The following PDE4B variants were observed in gnomAD, a reference collection of about 807,000 sequenced individuals.
PDE4B encodes the protein 3',5'-cyclic-AMP phosphodiesterase 4B.
Under a neutral mutation model 82.2 loss-of-function variants are expected in PDE4B, and 20 were observed. That is an observed-to-expected ratio of 0.24 (90% CI 0.17 to 0.35). The LOEUF (loss-of-function observed/expected upper bound fraction) is 0.35. PDE4B is among the 10% of genes least tolerant of loss of function. The pLI is 1.00. For synonymous variants in PDE4B, 320 were observed against 318.9 expected (o/e 1.00, Z -0.04); for missense variants, 655 against 907.2 (o/e 0.72, Z 3.57).
chr1:65,936,493 G>T (rs1205223744), intron 3 of PDE4B, among the ~76,000 whole-genome samples: 1 of 152,136 alleles, frequency 6.6e-6, no homozygotes, highest in East Asian at 1.9e-4. Context: ...TGCTATACAT[G>T]ACTGTATTGG....
intron 3 of PDE4B, among the ~76,000 whole-genome samples, chr1:66,072,524 G>A (rs1656205412): frequency 6.6e-6 from 1 of 152,090 alleles, no homozygotes. Context: ...GCAGCTAGGT[G>A]GCCCTCCAGA....
intron 3 of PDE4B, among the ~76,000 whole-genome samples, chr1:66,009,973 G>A (rs1354285719): frequency 6.8e-6 from 1 of 147,494 alleles, no homozygotes; most frequent in Admixed American, 6.8e-5. Context: ...TCTAATCTTT[G>A]GTATTGTCTG....
chr1:66,084,590 A>G (rs1406679981), intron 3 of PDE4B, among the ~76,000 whole-genome samples: 1 of 152,126 alleles, frequency 6.6e-6, no homozygotes, highest in Non-Finnish European at 1.5e-5. Context: ...ACCCCAAGAA[A>G]CTCATCCAGT....
chr1:65,821,516 C>T (rs1453697922), intron 1 of PDE4B, among the ~76,000 whole-genome samples: 1 of 152,116 alleles, frequency 6.6e-6, no homozygotes, highest in Non-Finnish European at 1.5e-5. Flanking sequence ...GGTCTTCCTA[C>T]ATATAGAAGT....
intron 3 of PDE4B, among the ~76,000 whole-genome samples, chr1:66,143,811 C>CTT (rs1166243821): frequency 6.6e-6 from 1 of 152,166 alleles, no homozygotes; most frequent in Non-Finnish European, 1.5e-5. Flanking sequence ...TTGCCCTGCA[C>CTT]CCTTCTTTCT....
At chr1:66,285,953 A>G (rs1656646740) in intron 7 of PDE4B, among the ~76,000 whole-genome samples, 1 of 152,204 alleles carries the variant, frequency 6.6e-6, no homozygotes, top group African/African-American at 2.4e-5. Context: ...TATGAACAAG[A>G]GAAGACAAAG....
intron 3 of PDE4B, among the ~76,000 whole-genome samples, chr1:66,021,456 C>T (rs1243610195): frequency 3.3e-5 from 5 of 152,132 alleles, no homozygotes; most frequent in Admixed American, 1.3e-4. Context: ...TTAGGTCTAA[C>T]ATTCAAGTCT....
intron 3 of PDE4B, among the ~76,000 whole-genome samples, chr1:65,930,867 A>C (rs1647792902): frequency 6.6e-6 from 1 of 152,104 alleles, no homozygotes; most frequent in African/African-American, 2.4e-5. Context: ...GGAAGGCATG[A>C]TTGTATTTTG....
chr1:65,817,731 T>G (rs1343106653), intron 1 of PDE4B, among the ~76,000 whole-genome samples: 2 of 152,208 alleles, frequency 1.3e-5, no homozygotes, highest in African/African-American at 4.8e-5. Flanking sequence ...ATTTATCCAT[T>G]TTGTTTGCAT....
intron 1 of PDE4B, among the ~76,000 whole-genome samples, chr1:65,793,953 A>G (rs1029746252): frequency 1.3e-5 from 2 of 152,130 alleles, no homozygotes; most frequent in African/African-American, 4.8e-5. Context: ...CGGTACTTCA[A>G]ACACAAATCG....
chr1:66,043,708 A>T (rs1654522754), intron 3 of PDE4B, among the ~76,000 whole-genome samples: 1 of 151,788 alleles, frequency 6.6e-6, no homozygotes, highest in Admixed American at 6.6e-5. Flanking sequence ...ATCCAGTTTA[A>T]TCTCCTTTTT....
intron 7 of PDE4B, among the ~76,000 whole-genome samples, chr1:66,274,392 C>T (rs1333627588): frequency 2.0e-5 from 3 of 151,534 alleles, no homozygotes; most frequent in Non-Finnish European, 4.4e-5. Context: ...AGGCTGGTCT[C>T]GAACTCCTGA....
chr1:65,843,670 G>A (rs530578033), intron 1 of PDE4B, among the ~76,000 whole-genome samples: 3 of 152,178 alleles, frequency 2.0e-5, no homozygotes, highest in African/African-American at 7.2e-5. Flanking sequence ...TTGAAAGACA[G>A]GATTTGTTTT....
chr1:65,955,537 C>T (rs902957865), intron 3 of PDE4B, among the ~76,000 whole-genome samples: 1 of 152,172 alleles, frequency 6.6e-6, no homozygotes, highest in Non-Finnish European at 1.5e-5. Context: ...AAGTGAAAAA[C>T]TGAAGCAAGT....
At chr1:66,025,072 TA>T (rs1237515559) in intron 3 of PDE4B, among the ~76,000 whole-genome samples, 1 of 152,084 alleles carries the variant, frequency 6.6e-6, no homozygotes, top group African/African-American at 2.4e-5. Context: ...ATTATTTAAA[TA>T]TACTGCCTTT....
chr1:65,976,759 A>G (rs905900976), intron 3 of PDE4B, among the ~76,000 whole-genome samples: 1 of 152,168 alleles, frequency 6.6e-6, no homozygotes, highest in African/African-American at 2.4e-5. Flanking sequence ...CACTTGTGGT[A>G]AGACGTGCTT....
At chr1:66,322,932 T>C (rs530574971) in intron 7 of PDE4B, among the ~76,000 whole-genome samples, 1 of 152,262 alleles carries the variant, frequency 6.6e-6, no homozygotes, top group South Asian at 2.1e-4. Context: ...GTAACTCAAA[T>C]GGCAAAGCCA....
At chr1:66,180,950 C>A (rs1187801229) in intron 3 of PDE4B, among the ~76,000 whole-genome samples, 1 of 152,130 alleles carries the variant, frequency 6.6e-6, no homozygotes, top group Non-Finnish European at 1.5e-5. Flanking sequence ...TAGAGTGTCT[C>A]TGAGGTGTTT....
At chr1:65,879,516 T>C (rs1278918437) in intron 1 of PDE4B, among the ~76,000 whole-genome samples, 1 of 152,050 alleles carries the variant, frequency 6.6e-6, no homozygotes, top group Non-Finnish European at 1.5e-5. Context: ...TAGAAAAATA[T>C]GAGAAGAGAT....
Sources: allele counts gnomAD v4.1 joint callset (sites outside exome capture counted in the v4.1 genomes callset), GRCh38; gene constraint gnomAD v4.1.1; transcripts MANE v1.5; gene names NCBI Gene and HGNC (gene_info 2026-07-23, HGNC 2026-07-21).